SUCLG2: variants seen among roughly 807,000 people sequenced by gnomAD.
The protein encoded by SUCLG2 is succinate-CoA ligase GDP-forming subunit beta.
In SUCLG2, 42 loss-of-function variants were observed where a neutral mutation model predicts 47.9. The ratio of observed to expected loss-of-function variants is 0.88; its 90% CI spans 0.69 to 1.14. The LOEUF is 1.14. Among genes scored for constraint, SUCLG2 ranks in the 50% most tolerant of loss-of-function variants. The pLI is 0.00. For missense variants in SUCLG2, 571 were observed against 525.9 expected (o/e 1.09, Z -0.84); for synonymous variants, 195 against 197.3 (o/e 0.99, Z 0.10).
Position 67,564,323 on chromosome 3 carries a change from T to C in SUCLG2, c.227-35137A>G, listed in dbSNP as rs530847444. Among the ~76,000 whole-genome samples the C allele has an allele frequency of 5.1e-3, 777 of 152,112 alleles. 6 individuals are homozygous for C. Among genetic ancestry groups the C allele is most frequent in the Middle Eastern group, 0.01 (3 of 294 alleles). ...GGCTCACTAGCTTTCCCCCCTCCCC[T>C]CGCTATTAATAGTACTCACTCTGAT... is the stretch of plus-strand genomic sequence containing the variant. On this transcript the variant is annotated intron_variant, in intron 2 of 10. Transcript: ENST00000307227.
At chr3:67,364,261 T>C (rs1701846660) in intron 10 of SUCLG2, among the ~76,000 whole-genome samples, 1 of 152,310 alleles carries the variant, frequency 6.6e-6, no homozygotes, top group African/African-American at 2.4e-5. Flanking sequence ...AGTTGGTTTG[T>C]TGATCTCTTC....
intron 9 of SUCLG2, among the ~76,000 whole-genome samples, chr3:67,424,488 G>A (rs1703249427): frequency 6.6e-6 from 1 of 152,138 alleles, no homozygotes; most frequent in African/African-American, 2.4e-5. Flanking sequence ...TGGTAATACA[G>A]GGATGTGTTT....
chr3:67,400,965 G>A, intron 9 of SUCLG2, 114 bp from the exon 10 acceptor site: 1 of 1,461,082 alleles, frequency 6.8e-7, no homozygotes, highest in Non-Finnish European at 9.2e-7. Context: ...TTTTGTTTTT[G>A]TTTTATACAG....
chr3:67,570,757 G>C (rs1456376806), intron 2 of SUCLG2, among the ~76,000 whole-genome samples: 1 of 152,194 alleles, frequency 6.6e-6, no homozygotes, highest in Non-Finnish European at 1.5e-5. Context: ...TCCATATGGA[G>C]AGGACACAGA....
At chr3:67,419,620 G>A (rs1703108892) in intron 9 of SUCLG2, among the ~76,000 whole-genome samples, 1 of 152,122 alleles carries the variant, frequency 6.6e-6, no homozygotes, top group South Asian at 2.1e-4. Context: ...AAATGTTAAT[G>A]AGAAGAGAAA....
chr3:67,611,957 A>C (rs1700534967), intron 1 of SUCLG2, among the ~76,000 whole-genome samples: 1 of 152,218 alleles, frequency 6.6e-6, no homozygotes, highest in African/African-American at 2.4e-5. Context: ...CACTCCACAA[A>C]GGAATTCTTT....
intron 1 of SUCLG2, among the ~76,000 whole-genome samples, chr3:67,653,405 C>A (rs1290075717): frequency 6.6e-6 from 1 of 152,098 alleles, no homozygotes. Context: ...TTTAAATTTA[C>A]ATTAACAATA....
chr3:67,566,269 A>G (rs1415170158), intron 2 of SUCLG2, among the ~76,000 whole-genome samples: 1 of 152,216 alleles, frequency 6.6e-6, no homozygotes, highest in East Asian at 1.9e-4. Flanking sequence ...ATCATCCTAA[A>G]AACTTTACAG....
intron 9 of SUCLG2, among the ~76,000 whole-genome samples, chr3:67,443,557 G>A (rs1575699520): frequency 1.5e-5 from 1 of 64,574 alleles, no homozygotes. Flanking sequence ...GCCCAGTCTG[G>A]AAAGTGAGGA....
chr3:67,602,551 G>C (rs903263120), intron 2 of SUCLG2, among the ~76,000 whole-genome samples: 1 of 152,080 alleles, frequency 6.6e-6, no homozygotes, highest in Admixed American at 6.5e-5. Context: ...TATATTTGCA[G>C]ACTTAGGAAG....
chr3:67,531,415 T>C (rs1329655077), intron 2 of SUCLG2, among the ~76,000 whole-genome samples: 2 of 152,214 alleles, frequency 1.3e-5, no homozygotes, highest in Non-Finnish European at 1.5e-5. Context: ...GAATACCTAA[T>C]TGGGCATTGT....
At chr3:67,402,307 T>TC (rs1198254787) in intron 9 of SUCLG2, among the ~76,000 whole-genome samples, 2 of 67,034 alleles carry the variant, frequency 3.0e-5, no homozygotes, top group African/African-American at 1.3e-4. Flanking sequence ...TTGATGAAAG[T>TC]GGGCAAGTAA....
intron 2 of SUCLG2, among the ~76,000 whole-genome samples, chr3:67,605,711 T>G (rs1670550449): frequency 6.6e-6 from 1 of 152,086 alleles, no homozygotes; most frequent in Admixed American, 6.6e-5. Context: ...CAACCATGCA[T>G]CATTCTCCAT....
intron 10 of SUCLG2, among the ~76,000 whole-genome samples, chr3:67,398,324 G>GA (rs985840374): frequency 2.7e-5 from 4 of 150,486 alleles, no homozygotes; most frequent in Non-Finnish European, 5.9e-5. Flanking sequence ...AAATTTACAA[G>GA]AAAAAAACAA....
rs1247799502 is a variant in SUCLG2 at position 67,443,825 on chromosome 3, G to A, written c.1063-42974C>T. ...AGACCCTCTGCCTGGCAACCACTCC[G>A]TCTGAGAAGTGAGGAGCCCCTCCGC... On this transcript the variant is annotated intron_variant, in intron 9 of 10. Transcript: ENST00000307227. Among the ~76,000 whole-genome samples the A allele has an allele frequency of 1.1e-4, 9 of 81,048 alleles. 2 individuals carry two copies. Among genetic ancestry groups the A allele is most frequent in the Non-Finnish European group, 1.2e-4 (4 of 34,216 alleles). 53.2% of individuals were successfully genotyped at this position (81,048 alleles called of 152,430 possible). A position where few individuals can be genotyped will look rare whatever the true frequency, so the allele number is the denominator to read the frequency against.
intron 9 of SUCLG2, among the ~76,000 whole-genome samples, chr3:67,457,652 A>G (rs1704218152): frequency 7.1e-6 from 1 of 140,372 alleles, no homozygotes; most frequent in Non-Finnish European, 1.5e-5. Flanking sequence ...TTCCATCTAT[A>G]TCTACTTATA....
intron 2 of SUCLG2, among the ~76,000 whole-genome samples, chr3:67,589,612 A>G (rs1708105091): frequency 6.6e-6 from 1 of 152,208 alleles, no homozygotes; most frequent in East Asian, 1.9e-4. Context: ...CACATTCCCC[A>G]GAAGTCTACC....
intron 4 of SUCLG2, among the ~76,000 whole-genome samples, chr3:67,520,889 T>A (rs1008854447): frequency 6.6e-6 from 1 of 152,214 alleles, no homozygotes; most frequent in Non-Finnish European, 1.5e-5. Flanking sequence ...CCCACTTTAA[T>A]CTTCTTTTTT....
chr3:67,596,721 C>T (rs190209397), intron 2 of SUCLG2, among the ~76,000 whole-genome samples: 10 of 152,286 alleles, frequency 6.6e-5, no homozygotes, highest in Admixed American at 2.0e-4. Flanking sequence ...AATGAATTAA[C>T]GTCCCATTGA....
Sources: allele counts gnomAD v4.1 joint callset (sites outside exome capture counted in the v4.1 genomes callset), GRCh38; gene constraint gnomAD v4.1.1; transcripts MANE v1.5; gene names NCBI Gene and HGNC (gene_info 2026-07-23, HGNC 2026-07-21).